NRXN3: variants seen among roughly 807,000 people sequenced by gnomAD.
NRXN3 encodes neurexin III.
Under a neutral mutation model 137.6 loss-of-function variants are expected in NRXN3, and 32 were observed. That is an observed-to-expected ratio of 0.23 (90% confidence interval 0.18 to 0.31). NRXN3 has a LOEUF of 0.31. Among genes scored for constraint, NRXN3 ranks in the 10% least tolerant of loss-of-function variants. The pLI, the probability that NRXN3 is intolerant of heterozygous loss-of-function variation, is 1.00. For synonymous variants in NRXN3, 798 were observed against 784.5 expected, an observed-to-expected ratio of 1.02 and a Z score of -0.29; for missense variants, 1,574 against 2,062.5, an observed-to-expected ratio of 0.76 and a Z score of 4.59.
chr14:78,490,692 G>T (rs2095649930), intron 4 of NRXN3, among the ~76,000 whole-genome samples: 1 of 152,112 alleles, frequency 6.6e-6, no homozygotes, highest in African/African-American at 2.4e-5. Context: ...CTCATGTAAG[G>T]TATACTCTGC....
chr14:78,390,130 G>A (rs1172686189), intron 4 of NRXN3, among the ~76,000 whole-genome samples: 1 of 152,032 alleles, frequency 6.6e-6, no homozygotes, highest in African/African-American at 2.4e-5. Context: ...CACCGGGTAC[G>A]GCAAGTCCTC....
chr14:78,223,608 T>TGGGGGGGGG (rs2064117075), intron 1 of NRXN3, among the ~76,000 whole-genome samples: 1 of 152,192 alleles, frequency 6.6e-6, no homozygotes, highest in Non-Finnish European at 1.5e-5. Flanking sequence ...GTTTCAGCGT[T>TGGGGGGGGG]GGGTTGTGCC....
intron 15 of NRXN3, among the ~76,000 whole-genome samples, chr14:79,121,740 C>T (rs1844889036): frequency 6.6e-6 from 1 of 152,158 alleles, no homozygotes; most frequent in African/African-American, 2.4e-5. Context: ...ATTCATGTAG[C>T]TAATGTGGAC....
chr14:79,494,401 C>T (rs1242739157), intron 16 of NRXN3, among the ~76,000 whole-genome samples: 3 of 152,104 alleles, frequency 2.0e-5, no homozygotes. Flanking sequence ...AAATAATCTC[C>T]TAGAAACTTG....
intron 16 of NRXN3, among the ~76,000 whole-genome samples, chr14:79,569,347 G>A (rs964961624): frequency 1.5e-4 from 23 of 152,038 alleles, no homozygotes; most frequent in Admixed American, 9.2e-4. Flanking sequence ...TTGCACAAAC[G>A]GAGAAAACTC....
At chr14:78,292,979 C>G (rs2075959239) in intron 3 of NRXN3, among the ~76,000 whole-genome samples, 1 of 152,172 alleles carries the variant, frequency 6.6e-6, no homozygotes, top group Non-Finnish European at 1.5e-5. Flanking sequence ...CCTTCCTCAT[C>G]TACAACATAC....
chr14:79,463,984 G>T (rs1013524432), intron 15 of NRXN3, among the ~76,000 whole-genome samples: 1 of 152,082 alleles, frequency 6.6e-6, no homozygotes, highest in Admixed American at 6.6e-5. Flanking sequence ...TATGTTTCCT[G>T]TAGGACTCTA....
At chr14:79,691,313 G>A (rs1379097832) in intron 17 of NRXN3, among the ~76,000 whole-genome samples, 7 of 152,004 alleles carry the variant, frequency 4.6e-5, no homozygotes, top group Admixed American at 4.6e-4. Context: ...ATGGATGCTT[G>A]TTCAGAAAGG....
intron 10 of NRXN3, among the ~76,000 whole-genome samples, chr14:78,898,699 CT>C (rs1265817854): frequency 6.6e-6 from 1 of 151,260 alleles, no homozygotes; most frequent in Non-Finnish European, 1.5e-5. Flanking sequence ...AAGTTATTTA[CT>C]TTGCCCATCT....
At chr14:79,791,076 G>A (rs2099143753) in intron 19 of NRXN3, 1 of 152,174 alleles carries the variant, frequency 6.6e-6, no homozygotes, top group South Asian at 2.1e-4. Flanking sequence ...TCCAACATTA[G>A]GGATTATATT....
At chr14:79,133,670 A>G (rs1385025528) in intron 15 of NRXN3, among the ~76,000 whole-genome samples, 2 of 152,154 alleles carry the variant, frequency 1.3e-5, no homozygotes, top group Non-Finnish European at 2.9e-5. Context: ...TCATGCCTGT[A>G]ATCCCAGCAC....
At chr14:78,522,832 G>A (rs1566627853) in intron 4 of NRXN3, among the ~76,000 whole-genome samples, 2 of 152,248 alleles carry the variant, frequency 1.3e-5, no homozygotes, top group African/African-American at 4.8e-5. Context: ...CTACTAGCAG[G>A]CATCCTTCTC....
intron 15 of NRXN3, among the ~76,000 whole-genome samples, chr14:79,168,810 G>A (rs2061517409): frequency 6.6e-6 from 1 of 152,076 alleles, no homozygotes; most frequent in Non-Finnish European, 1.5e-5. Flanking sequence ...GTTTCTGTAT[G>A]TGAAATTTAT....
At chr14:79,017,274 G>A (rs1481213688) in intron 15 of NRXN3, among the ~76,000 whole-genome samples, 1 of 151,504 alleles carries the variant, frequency 6.6e-6, no homozygotes, top group African/African-American at 2.4e-5. Flanking sequence ...AACTTTTCTA[G>A]CCCTGCCAAG....
In NRXN3 at chr14:79,435,970, G is replaced by T. The variant is rs1232389885; in HGVS notation, c.3263-31251G>T. ...AAATATTAAATATATCTAATTGTTT[G>T]ATAAAAAGGGAGAGAGGCTCTCCTT... is the stretch of plus-strand genomic sequence containing the variant. On this transcript the variant is annotated intron_variant, in intron 15 of 20. Coordinates refer to ENST00000335750, the MANE Select transcript of NRXN3 (RefSeq NM_001330195.2). Among the ~76,000 whole-genome samples, 4 of 152,054 alleles carry T rather than the reference G, an allele frequency of 2.6e-5. No homozygotes were observed. In the East Asian group the frequency reaches 7.7e-4, roughly 29 times the overall value.
rs2095806707 is a variant in NRXN3, at chr14:78,497,582, T to TC, written c.758-147537dup. Among the ~76,000 whole-genome samples the TC allele has an allele frequency of 2.7e-5, 4 of 150,912 alleles. No homozygotes were observed. In the East Asian group the frequency reaches 7.9e-4, roughly 30 times the overall value. Reference sequence around the variant, plus strand: ...TAAATCCATTAATCTGTCTGTCCATTCATCCATCCATCCATCCATCCATCC... The same window carrying TC: ...TAAATCCATTAATCTGTCTGTCCATTCCATCCATCCATCCATCCATCCATCC... On this transcript the variant is annotated intron_variant, in intron 4 of 20. Coordinates refer to ENST00000335750, the MANE Select transcript of NRXN3 (RefSeq NM_001330195.2).
chr14:79,648,904 T>C (rs1166511670), intron 16 of NRXN3, among the ~76,000 whole-genome samples: 1 of 152,148 alleles, frequency 6.6e-6, no homozygotes, highest in African/African-American at 2.4e-5. Flanking sequence ...TGTCTATGCT[T>C]GTAGCTAGTT....
Position 79,381,682 on chromosome 14 carries a change from G to A in NRXN3, c.3263-85539G>A, listed in dbSNP as rs137866701. On this transcript the variant is annotated intron_variant, in intron 15 of 20. Transcript: ENST00000335750. ...CAAAGGTTTTTGTCCTGTGGTTTTTGTAAGGTAATCCCACAACATCCAGAT... is the reference window on the plus strand; with the variant it reads ...CAAAGGTTTTTGTCCTGTGGTTTTTATAAGGTAATCCCACAACATCCAGAT... Among the ~76,000 whole-genome samples, 496 of 152,242 alleles carry A rather than the reference G, an allele frequency of 3.3e-3. 2 individuals are homozygous for A. Among genetic ancestry groups the A allele is most frequent in the Non-Finnish European group, 4.6e-3 (314 of 68,008 alleles).
At chr14:78,203,296 A>G (rs770201559) in intron 1 of NRXN3, among the ~76,000 whole-genome samples, 2 of 152,170 alleles carry the variant, frequency 1.3e-5, no homozygotes, top group Non-Finnish European at 2.9e-5. Context: ...GCCCAGGGGC[A>G]ATATTACTAA....
Sources: gnomAD v4.1 joint callset for allele counts (sites outside exome capture counted in the v4.1 genomes callset) on GRCh38, gnomAD v4.1.1 for gene constraint, MANE v1.5 for transcripts, NCBI Gene and HGNC (gene_info 2026-07-23, HGNC 2026-07-21) for gene names.